NFKB1: variants seen among roughly 807,000 people sequenced by gnomAD.
NFKB1 encodes the protein nuclear factor kappa B subunit 1.
NFKB1 carries 9 observed loss-of-function variants against 105.1 expected under a neutral mutation model. That is an observed-to-expected ratio of 0.09 (90% confidence interval 0.05 to 0.15). The LOEUF (loss-of-function observed/expected upper bound fraction) is 0.15. Ranked by LOEUF, NFKB1 falls within the 10% of genes least tolerant of loss-of-function variation. NFKB1 has a pLI of 1.00. For synonymous variants in NFKB1, 440 were observed against 442.2 expected, an observed-to-expected ratio of 1.00 and a Z score of 0.06; for missense variants, 830 against 1,203.7, an observed-to-expected ratio of 0.69 and a Z score of 4.59.
At chr4:102,551,955 A>G (rs1722653358) in intron 5 of NFKB1, among the ~76,000 whole-genome samples, 2 of 152,236 alleles carry the variant, frequency 1.3e-5, no homozygotes, top group Admixed American at 6.5e-5. Context: ...GCAGCAACGC[A>G]TGCAAAGAGA....
intron 10 of NFKB1, among the ~76,000 whole-genome samples, chr4:102,584,075 A>G (rs1725523513): frequency 6.6e-6 from 1 of 152,162 alleles, no homozygotes; most frequent in Admixed American, 6.6e-5. Flanking sequence ...ACACTGTAGG[A>G]ACTGCATGGA....
At chr4:102,603,362 C>G (rs1179887179) in intron 16 of NFKB1, among the ~76,000 whole-genome samples, 1 of 150,964 alleles carries the variant, frequency 6.6e-6, no homozygotes, top group African/African-American at 2.4e-5. Context: ...TGAGCCACTG[C>G]GTCTGGCCAG....
chr4:102,596,141 C>A lies in NFKB1; in HGVS notation c.1304C>A (p.Thr435Asn), dbSNP rs56280473. 6.3e-6 allele frequency: 10 copies of A among 1,577,810 alleles called. No homozygotes were observed. In the East Asian group the frequency reaches 1.1e-4, roughly 18 times the overall value. Reference sequence around the variant, plus strand: ...GATGTTTTTGCATTTATCTTAGGAACCATGGACACTGAATCTAAAAAGGAC... The same window carrying A: ...GATGTTTTTGCATTTATCTTAGGAAACATGGACACTGAATCTAAAAAGGAC... ...TKSNAGMKHG[T>N]MDTESKKDPE... is the part of the protein sequence containing the mutation. Residue 435 changes from threonine (T) to asparagine (N), a missense_variant, in exon 14 of 24, where the codon ACC becomes AAC. Thr to Asn is a moderately conservative substitution (Grantham distance 65). Coordinates refer to ENST00000226574, the MANE Select transcript of NFKB1 (RefSeq NM_003998.4).
chr4:102,516,176 A>AT lies in NFKB1; in HGVS notation c.-7-9326dup, dbSNP rs1222588561. ...CTTTCTTGTCCTTTGCTATTTTGGG[A>AT]TTTTTTTTTTCTCTAGCATTAGTTT... is the stretch of plus-strand genomic sequence containing the variant. On this transcript the variant is annotated intron_variant, in intron 1 of 23. Coordinates refer to ENST00000226574, the MANE Select transcript of NFKB1 (RefSeq NM_003998.4). 6.7e-3 allele frequency among the ~76,000 whole-genome samples: 996 copies of AT among 148,026 alleles called. 6 individuals carry two copies. Among genetic ancestry groups the AT allele is most frequent in the African/African-American group, 0.022 (868 of 40,316 alleles).
intron 6 of NFKB1, among the ~76,000 whole-genome samples, chr4:102,575,587 G>A (rs988163328): frequency 2.0e-5 from 3 of 152,036 alleles, no homozygotes; most frequent in Non-Finnish European, 4.4e-5. Context: ...GAAAACACCG[G>A]CGTGGTCCTA....
chr4:102,616,689 A>G lies in NFKB1; in HGVS notation c.*95A>G. The G allele has an allele frequency of 7.6e-7, 1 of 1,313,426 alleles. No homozygotes were observed. The highest frequency in any genetic ancestry group is 2.2e-5 in the Admixed American group (1 of 45,190). 81.4% of individuals were successfully genotyped at this position (1,313,426 alleles called of 1,614,324 possible). On this transcript the variant is annotated 3_prime_UTR_variant, in exon 24 of 24. Coordinates refer to ENST00000226574, the MANE Select transcript of NFKB1 (RefSeq NM_003998.4). ...AGCTGAAGTGCATCCAAAGGTGCTC[A>G]GAGAGCCGGCCCGCCTGAATCATTC...
chr4:102,544,922 C>T (rs1281920842), intron 5 of NFKB1, among the ~76,000 whole-genome samples: 9 of 152,084 alleles, frequency 5.9e-5, no homozygotes. Flanking sequence ...TTTTTCTGCC[C>T]TCCACTCTTC....
intron 6 of NFKB1, among the ~76,000 whole-genome samples, chr4:102,576,154 A>G (rs550339071): frequency 6.6e-6 from 1 of 152,354 alleles, no homozygotes; most frequent in Non-Finnish European, 1.5e-5. Flanking sequence ...TTCGTGAGAT[A>G]AAAGATTCTC....
At chr4:102,508,659 T>G (rs1324970731) in intron 1 of NFKB1, among the ~76,000 whole-genome samples, 1 of 152,186 alleles carries the variant, frequency 6.6e-6, no homozygotes, top group Admixed American at 6.5e-5. Context: ...AATGCATTCA[T>G]TTATTATACT....
intron 5 of NFKB1, among the ~76,000 whole-genome samples, chr4:102,552,626 C>T (rs1345229438): frequency 1.3e-5 from 2 of 152,104 alleles, no homozygotes; most frequent in Non-Finnish European, 2.9e-5. Flanking sequence ...AGGACAATTA[C>T]AATTTTCTGA....
At chr4:102,540,618 G>T (rs184422858) in intron 5 of NFKB1, among the ~76,000 whole-genome samples, 4 of 152,148 alleles carry the variant, frequency 2.6e-5, no homozygotes, top group Admixed American at 2.6e-4. Flanking sequence ...AGAGGTTAGA[G>T]AATATGACTA....
At chr4:102,526,418 G>A (rs998775162) in intron 2 of NFKB1, among the ~76,000 whole-genome samples, 3 of 152,160 alleles carry the variant, frequency 2.0e-5, no homozygotes, top group African/African-American at 7.2e-5. Flanking sequence ...TTATTTGAGT[G>A]TTGGATACCC....
chr4:102,612,154 C>A, intron 21 of NFKB1, 44 bp downstream of exon 21: 1 of 1,526,724 alleles, frequency 6.5e-7, no homozygotes, highest in Non-Finnish European at 9.1e-7. Context: ...TTATTATCTC[C>A]ACACTGTCAT....
At chr4:102,526,462 G>T (rs542617062) in intron 2 of NFKB1, among the ~76,000 whole-genome samples, 1 of 152,182 alleles carries the variant, frequency 6.6e-6, no homozygotes, top group Admixed American at 6.5e-5. Context: ...TACAATCTAT[G>T]CATGTAACAA....
At chr4:102,586,419 G>A (rs991881177) in intron 11 of NFKB1, among the ~76,000 whole-genome samples, 3 of 152,140 alleles carry the variant, frequency 2.0e-5, no homozygotes, top group Non-Finnish European at 4.4e-5. Context: ...GGAAAATCAA[G>A]TGTAAGTTCT....
chr4:102,519,794 A>G lies in NFKB1; in HGVS notation c.-7-5718A>G, dbSNP rs77336845. On this transcript the variant is annotated intron_variant, in intron 1 of 23. Coordinates refer to ENST00000226574, the MANE Select transcript of NFKB1 (RefSeq NM_003998.4). ...CTAGCATTACTATATGAACCTGAGCAAATGACTTACTCTCTTTCAGCTTCA... is the reference window on the plus strand; with the variant it reads ...CTAGCATTACTATATGAACCTGAGCGAATGACTTACTCTCTTTCAGCTTCA... Among the ~76,000 whole-genome samples the G allele has an allele frequency of 3.3e-5, 5 of 152,348 alleles. No homozygotes were observed. The East Asian group carries it at 9.6e-4, about 29-fold the overall frequency.
At chr4:102,584,449 G>A (rs1297972194) in intron 10 of NFKB1, among the ~76,000 whole-genome samples, 3 of 152,168 alleles carry the variant, frequency 2.0e-5, no homozygotes, top group East Asian at 1.9e-4. Context: ...ATAAAGCTTC[G>A]TAGTACATTA....
intron 11 of NFKB1, among the ~76,000 whole-genome samples, chr4:102,585,074 G>A (rs960116411): frequency 2.0e-5 from 3 of 150,832 alleles, no homozygotes; most frequent in Admixed American, 6.6e-5. Context: ...ACTTTTAATA[G>A]AAATGAGGAC....
chr4:102,601,736 G>C (rs1449387203), intron 16 of NFKB1, among the ~76,000 whole-genome samples: 1 of 152,242 alleles, frequency 6.6e-6, no homozygotes, highest in African/African-American at 2.4e-5. Context: ...CAGAAGCAGA[G>C]CTTGGACGTT....
Sources: gnomAD v4.1 joint callset for allele counts (sites outside exome capture counted in the v4.1 genomes callset) on GRCh38, gnomAD v4.1.1 for gene constraint, MANE v1.5 for transcripts, NCBI Gene and HGNC (gene_info 2026-07-23, HGNC 2026-07-21) for gene names.